Variants in GABRA5 observed in about 807,000 individuals in gnomAD.
GABRA5 encodes gamma-aminobutyric acid receptor subunit alpha-5.
In GABRA5, 18 loss-of-function variants were observed where a neutral mutation model predicts 47.3. The ratio of observed to expected loss-of-function variants is 0.38; its 90% CI spans 0.26 to 0.56. The LOEUF is 0.56. Among genes scored for constraint, GABRA5 ranks in the 20% least tolerant of loss-of-function variants. GABRA5 has a pLI of 0.71. For synonymous variants in GABRA5, 237 were observed against 229.3 expected, an observed-to-expected ratio of 1.03 and a Z score of -0.30; for missense variants, 365 against 599.3, an observed-to-expected ratio of 0.61 and a Z score of 4.08.
chr15:26,919,955 T>TA (rs113569011), intron 7 of GABRA5, among the ~76,000 whole-genome samples: 49,195 of 151,278 alleles, frequency 0.33, 8,295 homozygotes, highest in South Asian at 0.41. Context: ...AGATTTCTGA[T>TA]AAAAAAAAAT....
Position 26,923,511 on chromosome 15 carries a change from C to CT in GABRA5, c.580+8635dup, listed in dbSNP as rs34659077. On this transcript the variant is annotated intron_variant, in intron 7 of 10. Transcript: ENST00000335625. ...CATTTCTGTCTTGTTACCTTAAAGA[C>CT]TTTTTTTTTCTTTGTTTTTAGTGTT... 5.3e-5 allele frequency among the ~76,000 whole-genome samples: 8 copies of CT among 151,488 alleles called. No individual in the cohort carries two copies. In the East Asian group the frequency reaches 9.8e-4, roughly 19 times the overall value.
At chr15:26,870,017 G>T (rs949954136) in intron 3 of GABRA5, among the ~76,000 whole-genome samples, 2 of 152,188 alleles carry the variant, frequency 1.3e-5, no homozygotes, top group East Asian at 1.9e-4. Flanking sequence ...TTATGAGGCT[G>T]CTGTTCCTGT....
rs76674430 is a variant in GABRA5 at position 26,916,914 on chromosome 15, G to A, written c.580+2029G>A. Among the ~76,000 whole-genome samples the A allele has an allele frequency of 0.01, 1,592 of 152,102 alleles. 112 individuals carry two copies. In the East Asian group the frequency reaches 0.19, roughly 18 times the overall value. On this transcript the variant is annotated intron_variant, in intron 7 of 10. Coordinates refer to ENST00000335625, the MANE Select transcript of GABRA5 (RefSeq NM_000810.4). ...AGAAATGGAACTGATTTTTGATGTT[G>A]ATTTTGTATTGTGAAACTTTAATGA...
rs12440164 is a variant in GABRA5 at position 26,936,254 on chromosome 15, A to G, written c.581-931A>G. ...ATTACCTAGTCTTGGGTATTTCTTC[A>G]TAGCAGCGTGAGAACGGACTAATAC... On this transcript the variant is annotated intron_variant, in intron 7 of 10. Coordinates refer to ENST00000335625, the MANE Select transcript of GABRA5 (RefSeq NM_000810.4). Among the ~76,000 whole-genome samples the G allele has an allele frequency of 0.014, 2,132 of 152,276 alleles. 142 individuals are homozygous for G. The East Asian group carries it at 0.22, about 16-fold the overall frequency.
intron 6 of GABRA5, among the ~76,000 whole-genome samples, chr15:26,893,429 G>A (rs77800368): frequency 0.012 from 204 of 16,676 alleles, no homozygotes; most frequent in Middle Eastern, 0.05. Flanking sequence ...TGTGTATGGT[G>A]TGTGGCGTGT....
chr15:26,906,244 C>T (rs1440373360), intron 6 of GABRA5, among the ~76,000 whole-genome samples: 1 of 152,076 alleles, frequency 6.6e-6, no homozygotes, highest in African/African-American at 2.4e-5. Flanking sequence ...TTCCTTAGTT[C>T]ATTGGTCAAC....
intron 6 of GABRA5, among the ~76,000 whole-genome samples, chr15:26,906,558 T>C (rs1356038022): frequency 6.6e-6 from 1 of 152,232 alleles, no homozygotes; most frequent in Admixed American, 6.5e-5. Context: ...CCCTTGTTCA[T>C]TATGTATACC....
At chr15:26,918,268 G>A (rs1169099321) in intron 7 of GABRA5, among the ~76,000 whole-genome samples, 2 of 151,996 alleles carry the variant, frequency 1.3e-5, no homozygotes, top group Non-Finnish European at 2.9e-5. Flanking sequence ...CCCATTGGTT[G>A]TACAAATGTG....
At chr15:26,917,191 T>TATGCA (rs1893736678) in intron 7 of GABRA5, among the ~76,000 whole-genome samples, 1 of 152,136 alleles carries the variant, frequency 6.6e-6, no homozygotes, top group East Asian at 1.9e-4. Context: ...CACCATTGAC[T>TATGCA]ATGCAATTCA....
chr15:26,936,998 A>G (rs965971820), intron 7 of GABRA5, among the ~76,000 whole-genome samples, 187 bp from the exon 8 acceptor site: 1 of 152,296 alleles, frequency 6.6e-6, no homozygotes, highest in East Asian at 1.9e-4. Flanking sequence ...GCCTTTAGAC[A>G]TGGGAAGATG....
chr15:26,926,738 T>TAA (rs1893970394), intron 7 of GABRA5, among the ~76,000 whole-genome samples: 1 of 152,166 alleles, frequency 6.6e-6, no homozygotes, highest in Non-Finnish European at 1.5e-5. Context: ...TGATCAAAAA[T>TAA]AAAACACTCT....
chr15:26,892,328 A>G (rs1893026546), intron 6 of GABRA5, among the ~76,000 whole-genome samples: 1 of 152,182 alleles, frequency 6.6e-6, no homozygotes, highest in East Asian at 1.9e-4. Context: ...GCTGGCGGGC[A>G]GTGTGGACGG....
chr15:26,929,818 C>G (rs1894048759), intron 7 of GABRA5, among the ~76,000 whole-genome samples: 4 of 152,164 alleles, frequency 2.6e-5, no homozygotes, highest in Non-Finnish European at 1.5e-5. Flanking sequence ...CTCCCATTGT[C>G]TTGCACAGCA....
chr15:26,948,045 A>G lies in GABRA5; in HGVS notation c.1201A>G (p.Thr401Ala). Reference protein sequence around the residue: ...EQTPAGTSNTTSVSVKPSEEK... With the variant: ...EQTPAGTSNTASVSVKPSEEK... ...GACCCCAGCAGGGACGTCGAATACAACCTCAGTCTCAGTAAAACCCTCTGA... is the reference window on the plus strand; with the variant it reads ...GACCCCAGCAGGGACGTCGAATACAGCCTCAGTCTCAGTAAAACCCTCTGA... The change falls in exon 11 of 11, where the codon ACC becomes GCC. Residue 401 changes from threonine to alanine, a missense_variant. This residue lies in a region of GABRA5 where 106 missense variants were observed against 130.3 expected (regional missense o/e 0.81). Transcript: ENST00000335625. 6.2e-7 allele frequency: 1 copy of G among 1,608,022 alleles called. No individual in the cohort carries two copies.
At chr15:26,874,483 G>A (rs1892546310) in intron 3 of GABRA5, among the ~76,000 whole-genome samples, 1 of 152,146 alleles carries the variant, frequency 6.6e-6, no homozygotes, top group Non-Finnish European at 1.5e-5. Flanking sequence ...CTCCACTGCA[G>A]GGCCTGCTCC....
intron 2 of GABRA5, 83 bp from the exon 3 acceptor site, chr15:26,869,091 GT>G (rs1239705837): frequency 5.0e-6 from 3 of 600,592 alleles, no homozygotes; most frequent in Non-Finnish European, 6.1e-6. Flanking sequence ...GCAAATTGTT[GT>G]GATAGCAGTG....
intron 10 of GABRA5, among the ~76,000 whole-genome samples, chr15:26,947,408 A>C (rs562138855): frequency 8.5e-5 from 13 of 152,172 alleles, no homozygotes; most frequent in Non-Finnish European, 8.8e-5. Flanking sequence ...TGTGTTCATG[A>C]GTTCTCATCA....
chr15:26,901,576 T>C lies in GABRA5; in HGVS notation c.498-13227T>C, dbSNP rs144459313. ...TAACAGCCCTTTGTCATATATGCCT[T>C]CTGCAAATATTTTCTCCTACTGTGT... is the stretch of plus-strand genomic sequence containing the variant. On this transcript the variant is annotated intron_variant, in intron 6 of 10. Coordinates refer to ENST00000335625, the MANE Select transcript of GABRA5 (RefSeq NM_000810.4). Among the ~76,000 whole-genome samples, 471 of 152,286 alleles carry C rather than the reference T, an allele frequency of 3.1e-3. 5 individuals are homozygous for C. The highest frequency in any genetic ancestry group is 0.022 in the East Asian group (113 of 5,182).
At chr15:26,891,481 C>G (rs988704181) in intron 6 of GABRA5, among the ~76,000 whole-genome samples, 2 of 152,172 alleles carry the variant, frequency 1.3e-5, no homozygotes, top group Non-Finnish European at 2.9e-5. Flanking sequence ...AAGCATGCAA[C>G]AGGAAGCTAG....
Sources: allele counts gnomAD v4.1 joint callset (sites outside exome capture counted in the v4.1 genomes callset), GRCh38; gene constraint gnomAD v4.1.1; regional missense constraint gnomAD v4.1.1; transcripts MANE v1.5; gene names NCBI Gene and HGNC (gene_info 2026-07-23, HGNC 2026-07-21).